The following PXDNL variants were observed in gnomAD, a reference collection of about 807,000 sequenced individuals.
PXDNL encodes peroxidasin like, also known as probable oxidoreductase PXDNL.
In PXDNL, 145 loss-of-function variants were observed where a neutral mutation model predicts 150.8. The observed-to-expected ratio is 0.96, with a 90% CI of 0.84 to 1.10. PXDNL has a LOEUF of 1.10. Among genes scored for constraint, PXDNL ranks in the 50% least tolerant of loss-of-function variants. The pLI is 0.00. For synonymous variants in PXDNL, 757 were observed against 725.7 expected (o/e 1.04, Z -0.69); for missense variants, 2,087 against 1,873.9 (o/e 1.11, Z -2.10).
intron 4 of PXDNL, among the ~76,000 whole-genome samples, chr8:51,534,416 G>A (rs1305646534): frequency 3.0e-5 from 4 of 133,624 alleles, no homozygotes; most frequent in African/African-American, 9.2e-5. Context: ...GCCTCTGCCC[G>A]GCCGCCCCTA....
At chr8:51,591,880 A>G (rs1382494921) in intron 3 of PXDNL, among the ~76,000 whole-genome samples, 1 of 152,186 alleles carries the variant, frequency 6.6e-6, no homozygotes, top group African/African-American at 2.4e-5. Flanking sequence ...GGCCTCCCCA[A>G]AGTGCTGGGA....
chr8:51,475,768 A>AC (rs761199015), intron 6 of PXDNL, among the ~76,000 whole-genome samples: 67 of 151,382 alleles, frequency 4.4e-4, no homozygotes, highest in African/African-American at 1.5e-3. Context: ...TGCAACCCTC[A>AC]CCCCCCTCCC....
intron 17 of PXDNL, among the ~76,000 whole-genome samples, chr8:51,396,015 A>G (rs2977008): frequency 0.83 from 125,741 of 152,152 alleles, 52,109 homozygotes; most frequent in East Asian, 0.94. Flanking sequence ...GACTACTTAC[A>G]CCTCTCTTGC....
chr8:51,608,031 A>AAGAAAGAAAG (rs1813889303), intron 2 of PXDNL, among the ~76,000 whole-genome samples: 12 of 111,382 alleles, frequency 1.1e-4, no homozygotes, highest in Non-Finnish European at 1.7e-4. Context: ...GAAAGAAAGA[A>AAGAAAGAAAG]AGAAAGAAAG....
At chr8:51,419,692 TTAATA>T (rs1808895491) in intron 14 of PXDNL, among the ~76,000 whole-genome samples, 3 of 152,336 alleles carry the variant, frequency 2.0e-5, no homozygotes, top group African/African-American at 4.8e-5. Flanking sequence ...CACTTTGTAG[TTAATA>T]TAATATAGGG....
At chr8:51,588,140 G>A (rs1813367189) in intron 3 of PXDNL, among the ~76,000 whole-genome samples, 1 of 152,144 alleles carries the variant, frequency 6.6e-6, no homozygotes, top group South Asian at 2.1e-4. Context: ...CAGGGTCAGA[G>A]AGTAGAAAGG....
At chr8:51,650,458 TG>T (rs1815010589) in intron 2 of PXDNL, among the ~76,000 whole-genome samples, 1 of 152,200 alleles carries the variant, frequency 6.6e-6, no homozygotes, top group Admixed American at 6.5e-5. Context: ...GTTGTGATTT[TG>T]TTTTGTAGGA....
intron 12 of PXDNL, among the ~76,000 whole-genome samples, chr8:51,441,568 T>G (rs1438762784): frequency 6.6e-6 from 1 of 152,156 alleles, no homozygotes; most frequent in Non-Finnish European, 1.5e-5. Flanking sequence ...CAGTGCCAAT[T>G]TATTTTAGTG....
intron 1 of PXDNL, among the ~76,000 whole-genome samples, chr8:51,752,521 T>A (rs373709077): frequency 1.9e-4 from 29 of 152,174 alleles, no homozygotes; most frequent in Non-Finnish European, 4.0e-4. Context: ...TGGAGGCCTA[T>A]GTTAGTGAGA....
At chr8:51,334,062 G>T (rs1381746185) in intron 21 of PXDNL, among the ~76,000 whole-genome samples, 1 of 127,128 alleles carries the variant, frequency 7.9e-6, no homozygotes, top group Admixed American at 7.6e-5. Context: ...TAGATCATAT[G>T]ATAGGCCATA....
intron 2 of PXDNL, among the ~76,000 whole-genome samples, chr8:51,610,049 C>T (rs1813966047): frequency 6.6e-6 from 1 of 151,996 alleles, no homozygotes; most frequent in Admixed American, 6.5e-5. Flanking sequence ...TTTTTTTCAA[C>T]ACGCAGCTCT....
chr8:51,643,501 T>C, intron 2 of PXDNL, among the ~76,000 whole-genome samples: 1 of 152,222 alleles, frequency 6.6e-6, no homozygotes, highest in Non-Finnish European at 1.5e-5. Flanking sequence ...TGTAGAAAGC[T>C]GAAACTGGAT....
intron 1 of PXDNL, among the ~76,000 whole-genome samples, chr8:51,731,954 C>T (rs576719101): frequency 6.6e-6 from 1 of 152,326 alleles, no homozygotes; most frequent in East Asian, 1.9e-4. Context: ...AGACCTCAGA[C>T]ATGTTCTGAA....
At chr8:51,536,865 G>A (rs936812087) in intron 4 of PXDNL, among the ~76,000 whole-genome samples, 1 of 152,162 alleles carries the variant, frequency 6.6e-6, no homozygotes, top group African/African-American at 2.4e-5. Flanking sequence ...AGAAAAGTAA[G>A]TTAAGAAGAT....
At chr8:51,331,220 A>G (rs1027927171) in intron 21 of PXDNL, among the ~76,000 whole-genome samples, 1 of 152,160 alleles carries the variant, frequency 6.6e-6, no homozygotes, top group African/African-American at 2.4e-5. Flanking sequence ...GGAGAAGCTT[A>G]AGGTCTGTTT....
At chr8:51,412,327 T>G (rs1808675621) in intron 15 of PXDNL, among the ~76,000 whole-genome samples, 1 of 152,190 alleles carries the variant, frequency 6.6e-6, no homozygotes, top group Non-Finnish European at 1.5e-5. Flanking sequence ...TTTTTCTTCC[T>G]AGCAAGCACA....
intron 2 of PXDNL, among the ~76,000 whole-genome samples, chr8:51,624,478 T>C (rs544889565): frequency 6.6e-6 from 1 of 152,154 alleles, no homozygotes; most frequent in Non-Finnish European, 1.5e-5. Context: ...TCATTTTATG[T>C]TGTACTGTAG....
intron 4 of PXDNL, among the ~76,000 whole-genome samples, chr8:51,535,115 G>A (rs1317573463): frequency 2.4e-5 from 3 of 124,850 alleles, no homozygotes; most frequent in Middle Eastern, 4.7e-3. Context: ...CCCCCCGCCC[G>A]GCCAGCCGCC....
chr8:51,403,116 G>GA (rs991604879), intron 17 of PXDNL, among the ~76,000 whole-genome samples: 15 of 141,074 alleles, frequency 1.1e-4, no homozygotes, highest in South Asian at 2.3e-4. Context: ...AAAAGAAAAA[G>GA]AAAAAAAAAG....
Sources: allele counts gnomAD v4.1 joint callset (sites outside exome capture counted in the v4.1 genomes callset), GRCh38; gene constraint gnomAD v4.1.1; transcripts MANE v1.5; gene names NCBI Gene and HGNC (gene_info 2026-07-23, HGNC 2026-07-21).